SLC9A9: variants seen among roughly 807,000 people sequenced by gnomAD.
SLC9A9 encodes sodium/hydrogen exchanger 9.
SLC9A9 carries 62 observed loss-of-function variants against 77.8 expected under a neutral mutation model. The ratio of observed to expected loss-of-function variants is 0.80; its 90% CI spans 0.65 to 0.98. The LOEUF is 0.98. Among genes scored for constraint, SLC9A9 ranks in the 50% least tolerant of loss-of-function variants. The pLI is 0.00. For missense variants in SLC9A9, 775 were observed against 774.9 expected, an observed-to-expected ratio of 1.00 and a Z score of 0.00; for synonymous variants, 320 against 283.5, an observed-to-expected ratio of 1.13 and a Z score of -1.29.
intron 14 of SLC9A9, among the ~76,000 whole-genome samples, chr3:143,325,374 C>T (rs1501630): frequency 0.69 from 104,736 of 152,202 alleles, 37,736 homozygotes; most frequent in African/African-American, 0.91. Context: ...CAGTGGAACA[C>T]AATCAACTAC....
intron 5 of SLC9A9, among the ~76,000 whole-genome samples, chr3:143,665,032 ATTC>A (rs1292119026): frequency 6.6e-6 from 1 of 152,228 alleles, no homozygotes; most frequent in African/African-American, 2.4e-5. Context: ...CAGAATATAC[ATTC>A]TTCTCAGCAC....
chr3:143,371,133 A>C (rs1313599139), intron 13 of SLC9A9, among the ~76,000 whole-genome samples: 1 of 152,156 alleles, frequency 6.6e-6, no homozygotes, highest in African/African-American at 2.4e-5. Flanking sequence ...TGACCTGTAC[A>C]TGCACAGGTT....
intron 5 of SLC9A9, among the ~76,000 whole-genome samples, chr3:143,660,981 C>T (rs2038969844): frequency 1.3e-5 from 2 of 152,212 alleles, no homozygotes; most frequent in Admixed American, 1.3e-4. Context: ...CATTGTCACA[C>T]ACCACAGATC....
At chr3:143,306,901 T>C (rs1578279994) in intron 14 of SLC9A9, among the ~76,000 whole-genome samples, 3 of 152,354 alleles carry the variant, frequency 2.0e-5, no homozygotes, top group African/African-American at 7.2e-5. Context: ...TTCTCTTCTT[T>C]CTTTCCTCCT....
At chr3:143,446,111 G>A (rs2034836460) in intron 12 of SLC9A9, among the ~76,000 whole-genome samples, 1 of 152,088 alleles carries the variant, frequency 6.6e-6, no homozygotes, top group Non-Finnish European at 1.5e-5. Context: ...ATTAATCTGG[G>A]TTTTTAAATT....
chr3:143,848,299 C>T lies in SLC9A9; in HGVS notation c.24G>A (p.Met8Ile), dbSNP rs1364235040. ...GAAACTGATACTCATCCTTTTCTGA[C>T]ATAACCCTTGACTGTCTCTCCATTC... is the stretch of plus-strand genomic sequence containing the variant. MERQSRV[M>I]SEKDEYQFQH... Residue 8 changes from methionine to isoleucine, a missense_variant, in exon 1 of 16, where the codon ATG (methionine) becomes ATA (isoleucine). Coordinates refer to ENST00000316549, the MANE Select transcript of SLC9A9 (RefSeq NM_173653.4). 4 of 1,613,892 alleles carry T rather than the reference C, an allele frequency of 2.5e-6. No individual in the cohort carries two copies. The Admixed American group carries it at 6.7e-5, about 27-fold the overall frequency.
At chr3:143,423,658 T>C (rs1027296516) in intron 12 of SLC9A9, among the ~76,000 whole-genome samples, 10 of 152,276 alleles carry the variant, frequency 6.6e-5, no homozygotes, top group African/African-American at 2.2e-4. Context: ...AATGAATAAA[T>C]GAATGACTTG....
intron 9 of SLC9A9, among the ~76,000 whole-genome samples, chr3:143,530,277 G>A (rs1486301546): frequency 1.3e-5 from 2 of 152,214 alleles, no homozygotes; most frequent in Non-Finnish European, 2.9e-5. Flanking sequence ...TATTGTGGGG[G>A]GGACCCGGTG....
At chr3:143,530,655 AAAC>A (rs961552937) in intron 9 of SLC9A9, among the ~76,000 whole-genome samples, 9 of 129,300 alleles carry the variant, frequency 7.0e-5, no homozygotes, top group East Asian at 6.4e-4. Flanking sequence ...AAACAAAACA[AAAC>A]AAACAAACAA....
intron 12 of SLC9A9, among the ~76,000 whole-genome samples, chr3:143,442,448 A>G (rs1207839671): frequency 6.6e-6 from 1 of 152,230 alleles, no homozygotes; most frequent in African/African-American, 2.4e-5. Context: ...TGGGCTGGGC[A>G]CGGTGGCTCA....
chr3:143,447,874 T>G (rs528846312), intron 12 of SLC9A9, among the ~76,000 whole-genome samples: 12 of 152,336 alleles, frequency 7.9e-5, no homozygotes, highest in South Asian at 4.1e-4. Context: ...GAATTAGGGA[T>G]GTAGTGTCAG....
At chr3:143,534,510 A>G (rs528392321) in intron 9 of SLC9A9, among the ~76,000 whole-genome samples, 412 of 152,344 alleles carry the variant, frequency 2.7e-3, no homozygotes, top group African/African-American at 9.7e-3. Context: ...CTCCAGGGTC[A>G]GGCAATGATG....
At chr3:143,804,514 C>A (rs965452905) in intron 2 of SLC9A9, among the ~76,000 whole-genome samples, 1 of 152,136 alleles carries the variant, frequency 6.6e-6, no homozygotes, top group Non-Finnish European at 1.5e-5. Context: ...ACAAGACACC[C>A]CTTTCAGCAC....
At chr3:143,376,737 G>A (rs2033188208) in intron 13 of SLC9A9, among the ~76,000 whole-genome samples, 1 of 152,134 alleles carries the variant, frequency 6.6e-6, no homozygotes, top group Admixed American at 6.5e-5. Flanking sequence ...AAAGCCATAA[G>A]TAAGTATAAC....
intron 5 of SLC9A9, among the ~76,000 whole-genome samples, chr3:143,657,500 T>G (rs1434540903): frequency 6.6e-6 from 1 of 152,206 alleles, no homozygotes; most frequent in Non-Finnish European, 1.5e-5. Flanking sequence ...TCCTGGGAAC[T>G]ATCCAGGAAG....
intron 4 of SLC9A9, among the ~76,000 whole-genome samples, chr3:143,784,524 A>AT (rs10715558): frequency 0.026 from 3,682 of 139,068 alleles, 50 homozygotes; most frequent in African/African-American, 0.05. Context: ...AAAATTTGTA[A>AT]TTTTTTTTTT....
In SLC9A9 at chr3:143,652,810, C is replaced by CACACAT. The variant is rs113827008; in HGVS notation, c.650-451_650-450insATGTGT. ...ACACACACACACACACACACACACA[C>CACACAT]ACTTCTTGCTACCAAGGACTCATTT... On this transcript the variant is annotated intron_variant, in intron 5 of 15. Coordinates refer to ENST00000316549, the MANE Select transcript of SLC9A9 (RefSeq NM_173653.4). 2.9e-3 allele frequency among the ~76,000 whole-genome samples: 432 copies of CACACAT among 148,260 alleles called. 4 individuals carry two copies. The highest frequency in any genetic ancestry group is 0.018 in the South Asian group (81 of 4,612).
At chr3:143,344,814 C>T (rs893331485) in intron 14 of SLC9A9, among the ~76,000 whole-genome samples, 5 of 151,972 alleles carry the variant, frequency 3.3e-5, no homozygotes, top group African/African-American at 7.3e-5. Flanking sequence ...TTTACACTTA[C>T]ATCATTTCCC....
Position 143,407,231 on chromosome 3 carries a change from T to A in SLC9A9, c.1470-25117A>T, listed in dbSNP as rs111942353. Among the ~76,000 whole-genome samples the A allele has an allele frequency of 8.7e-3, 1,317 of 152,238 alleles. 11 individuals carry two copies. Among genetic ancestry groups the A allele is most frequent in the Non-Finnish European group, 0.014 (927 of 68,018 alleles). Reference sequence around the variant, plus strand: ...TCTCATTTCTCATTTCTTACCTATATGGCAAAAATAACAACATTTACAAAA... The same window carrying A: ...TCTCATTTCTCATTTCTTACCTATAAGGCAAAAATAACAACATTTACAAAA... On this transcript the variant is annotated intron_variant, in intron 12 of 15. Transcript: ENST00000316549.
Sources: gnomAD v4.1 joint callset for allele counts (sites outside exome capture counted in the v4.1 genomes callset) on GRCh38, gnomAD v4.1.1 for gene constraint, MANE v1.5 for transcripts, NCBI Gene and HGNC (gene_info 2026-07-23, HGNC 2026-07-21) for gene names.